The following RALGAPA2 variants were observed in gnomAD, a reference collection of about 807,000 sequenced individuals.
RALGAPA2 encodes the protein ral GTPase-activating protein subunit alpha-2.
A neutral mutation model predicts 230.4 loss-of-function variants in RALGAPA2; 139 were observed. That is an observed-to-expected ratio of 0.60 (90% CI 0.53 to 0.69). The LOEUF (loss-of-function observed/expected upper bound fraction) is 0.69, where lower values mean the gene tolerates loss of function less well. RALGAPA2 is among the 30% of genes least tolerant of loss of function. The pLI is 0.00. For synonymous variants in RALGAPA2, 847 were observed against 837.8 expected (o/e 1.01, Z -0.19); for missense variants, 2,163 against 2,276.0 (o/e 0.95, Z 1.01).
chr20:20,456,490 C>T (rs1186733420), intron 37 of RALGAPA2, among the ~76,000 whole-genome samples: 1 of 152,232 alleles, frequency 6.6e-6, no homozygotes, highest in African/African-American at 2.4e-5. Context: ...ACTCTCCTCC[C>T]TTGAATCTAG....
intron 9 of RALGAPA2, 133 bp downstream of exon 9, chr20:20,635,285 G>T: frequency 1.1e-6 from 1 of 908,534 alleles, no homozygotes. Flanking sequence ...AGACAGGGTA[G>T]GCCAATAAAA....
chr20:20,635,714 G>A, intron 8 of RALGAPA2, 97 bp from the exon 9 acceptor site: 1 of 1,137,106 alleles, frequency 8.8e-7, no homozygotes, highest in Non-Finnish European at 1.2e-6. Flanking sequence ...TCCAATTTTT[G>A]GTTGTCTAAA....
chr20:20,472,492 T>C (rs1224025301), intron 37 of RALGAPA2: 1 of 166,088 alleles, frequency 6.0e-6, no homozygotes, highest in African/African-American at 2.4e-5. Flanking sequence ...TTATATACAA[T>C]GGACTGCCAC....
chr20:20,537,480 C>T (rs771334224), intron 24 of RALGAPA2, among the ~76,000 whole-genome samples: 7 of 151,770 alleles, frequency 4.6e-5, no homozygotes, highest in Non-Finnish European at 7.4e-5. Context: ...ATTAGCCAGG[C>T]ATGGTGGTGG....
At chr20:20,665,047 T>TAATAGC (rs1023696975) in intron 3 of RALGAPA2, among the ~76,000 whole-genome samples, 1 of 152,200 alleles carries the variant, frequency 6.6e-6, no homozygotes, top group Non-Finnish European at 1.5e-5. Flanking sequence ...AATAGACTTA[T>TAATAGC]AATAGCAAGT....
chr20:20,585,895 T>C (rs2065120048), intron 18 of RALGAPA2, among the ~76,000 whole-genome samples: 1 of 151,860 alleles, frequency 6.6e-6, no homozygotes, highest in Admixed American at 6.6e-5. Context: ...GCCCCACAAA[T>C]GTTGACCATG....
At chr20:20,401,911 T>C (rs2059848603) in intron 38 of RALGAPA2, among the ~76,000 whole-genome samples, 3 of 152,228 alleles carry the variant, frequency 2.0e-5, no homozygotes, top group South Asian at 4.1e-4. Context: ...AGTGGCATGG[T>C]CTTTGCCACT....
chr20:20,426,910 G>A (rs6081997), intron 37 of RALGAPA2, among the ~76,000 whole-genome samples: 1 of 152,188 alleles, frequency 6.6e-6, no homozygotes, highest in African/African-American at 2.4e-5. Context: ...AAGTTTTATA[G>A]GCTCTATCTC....
intron 20 of RALGAPA2, among the ~76,000 whole-genome samples, chr20:20,582,161 A>AGTGT (rs35240382): frequency 0.069 from 10,021 of 146,078 alleles, 360 homozygotes; most frequent in African/African-American, 0.088. Context: ...AGTGTCACAC[A>AGTGT]GTGTGTGTGT....
At chr20:20,570,444 A>G (rs1055327045) in intron 23 of RALGAPA2, among the ~76,000 whole-genome samples, 1 of 152,218 alleles carries the variant, frequency 6.6e-6, no homozygotes, top group South Asian at 2.1e-4. Flanking sequence ...TGCAGAAAGG[A>G]CAGTTACTTG....
chr20:20,396,699 C>T lies in RALGAPA2; in HGVS notation c.*31G>A. 6.2e-7 allele frequency: 1 copy of T among 1,609,722 alleles called. No homozygotes were observed. The highest frequency in any genetic ancestry group is 8.5e-7 in the Non-Finnish European group (1 of 1,176,516). Reference sequence around the variant, plus strand: ...CCACTGAAGTGTCTGTCTTACCTTGCTCAAATATTGAAATGAGACCTTTAC... The same window carrying T: ...CCACTGAAGTGTCTGTCTTACCTTGTTCAAATATTGAAATGAGACCTTTAC... On this transcript the variant is annotated 3_prime_UTR_variant, in exon 39 of 40. Transcript: ENST00000202677.
chr20:20,412,574 C>T (rs1428984342), intron 37 of RALGAPA2, among the ~76,000 whole-genome samples: 2 of 152,122 alleles, frequency 1.3e-5, no homozygotes, highest in Non-Finnish European at 2.9e-5. Context: ...GGTGATACGA[C>T]AGTGCAGACG....
At chr20:20,428,998 T>G (rs2060448165) in intron 37 of RALGAPA2, among the ~76,000 whole-genome samples, 1 of 152,054 alleles carries the variant, frequency 6.6e-6, no homozygotes, top group Non-Finnish European at 1.5e-5. Context: ...TGAGTTCTGT[T>G]GGGGCAACAT....
At chr20:20,406,145 C>T (rs374767885) in intron 38 of RALGAPA2, among the ~76,000 whole-genome samples, 12 of 152,152 alleles carry the variant, frequency 7.9e-5, no homozygotes, top group East Asian at 1.9e-4. Context: ...CCTGCCTGCA[C>T]GTTAAAATAC....
chr20:20,476,365 AT>A (rs2061649584), intron 36 of RALGAPA2, among the ~76,000 whole-genome samples: 1 of 152,110 alleles, frequency 6.6e-6, no homozygotes, highest in Non-Finnish European at 1.5e-5. Context: ...ATAAACAAAT[AT>A]TTCAATAAAA....
chr20:20,548,586 C>G (rs1163079477), intron 23 of RALGAPA2, among the ~76,000 whole-genome samples: 1 of 152,030 alleles, frequency 6.6e-6, no homozygotes, highest in African/African-American at 2.4e-5. Context: ...AAACATGAAC[C>G]ATGCTTCTTC....
chr20:20,478,768 C>G (rs2061706795), intron 36 of RALGAPA2, among the ~76,000 whole-genome samples: 2 of 151,834 alleles, frequency 1.3e-5, no homozygotes, highest in Admixed American at 1.3e-4. Flanking sequence ...AGCTCAGTAC[C>G]TGGGTGACAG....
intron 1 of RALGAPA2, among the ~76,000 whole-genome samples, chr20:20,699,853 T>C (rs563197005): frequency 6.6e-6 from 1 of 152,310 alleles, no homozygotes; most frequent in African/African-American, 2.4e-5. Context: ...TATACACTGT[T>C]GGTGGGAATG....
intron 2 of RALGAPA2, among the ~76,000 whole-genome samples, chr20:20,678,675 T>A (rs1450571098): frequency 6.6e-6 from 1 of 152,118 alleles, no homozygotes; most frequent in East Asian, 1.9e-4. Flanking sequence ...AACAGGCCAA[T>A]GCATTCCTCA....
Sources: allele counts gnomAD v4.1 joint callset (sites outside exome capture counted in the v4.1 genomes callset), GRCh38; gene constraint gnomAD v4.1.1; transcripts MANE v1.5; gene names NCBI Gene and HGNC (gene_info 2026-07-23, HGNC 2026-07-21).